Variants in RIF1 observed in about 807,000 individuals in gnomAD.
The protein encoded by RIF1 is replication timing regulatory factor 1, also known as telomere-associated protein RIF1.
Under a neutral mutation model 247.1 loss-of-function variants are expected in RIF1, and 45 were observed. That is an observed-to-expected ratio of 0.18 (90% CI 0.14 to 0.23). The LOEUF is 0.23. Among genes scored for constraint, RIF1 ranks in the 10% least tolerant of loss-of-function variants. RIF1 has a pLI of 1.00. For missense variants in RIF1, 2,967 were observed against 2,862.5 expected, an observed-to-expected ratio of 1.04 and a Z score of -0.83; for synonymous variants, 1,087 against 978.8, an observed-to-expected ratio of 1.11 and a Z score of -2.06.
At chr2:151,443,849 T>C (rs562886894) in intron 18 of RIF1, 140 bp downstream of exon 18, 7 of 509,694 alleles carry the variant, frequency 1.4e-5, no homozygotes, top group East Asian at 3.4e-5. Flanking sequence ...CGTTGTACTT[T>C]TGATTGATTT....
At chr2:151,504,624 C>A (rs552504401) in intron 12 of RIF1, among the ~76,000 whole-genome samples, 47 of 152,262 alleles carry the variant, frequency 3.1e-4, no homozygotes, top group African/African-American at 1.1e-3. Flanking sequence ...CTCCATTGAC[C>A]AGGGGAATCC....
At position 151,482,010 on chromosome 2, in the gene RIF1, C is replaced by T. The variant is rs1165203912; in HGVS notation, c.*6939C>T. The T allele has an allele frequency of 8.0e-5, 9 of 111,984 alleles. No individual in the cohort carries two copies. The highest frequency in any genetic ancestry group is 2.8e-4 in the African/African-American group (9 of 31,876). 6.9% of individuals were successfully genotyped at this position (111,984 alleles called of 1,614,324 possible). ...ACACTTACAGTTACTATTTCTGGTT[C>T]TTTATGACTGTTGAGGGGGGGCAGA... On this transcript the variant is annotated 3_prime_UTR_variant, in exon 36 of 36. Transcript: ENST00000444746.
the RIF1 span, chr2:151,526,092 A>G: frequency 2.4e-5 from 39 of 1,611,960 alleles, 1 homozygote; most frequent in Admixed American, 5.0e-4. Flanking sequence ...TAGAGAGCTC[A>G]TTAAGGCATC....
chr2:151,468,585 A>G, intron 32 of RIF1, 34 bp downstream of exon 32: 1 of 1,604,426 alleles, frequency 6.2e-7, no homozygotes, highest in Non-Finnish European at 8.5e-7. Context: ...GTCACTTTAT[A>G]TTTTCATGTT....
chr2:151,460,026 G>A lies in RIF1; in HGVS notation c.2982G>A (p.Lys994=). The A allele has an allele frequency of 6.4e-7, 1 of 1,554,880 alleles. No individual in the cohort carries two copies. The highest frequency in any genetic ancestry group is 8.8e-7 in the Non-Finnish European group (1 of 1,142,520). ...DGTENSQLNV[K]ISGMERKSNG... Reference sequence around the variant, plus strand: ...CAGAAAATTCACAACTAAATGTGAAGATAAGTGGCATGGAGAGAAAATCAA... The same window carrying A: ...CAGAAAATTCACAACTAAATGTGAAAATAAGTGGCATGGAGAGAAAATCAA... The change falls in exon 26 of 36, where the codon AAG becomes AAA. Residue 994 remains lysine (K), a synonymous_variant. Transcript: ENST00000444746.
chr2:151,460,232 G>C, intron 26 of RIF1, 113 bp downstream of exon 26: 1 of 857,154 alleles, frequency 1.2e-6, no homozygotes, highest in Non-Finnish European at 1.7e-6. Context: ...GGTTGGGATT[G>C]CAGGGGAATT....
the RIF1 span, chr2:151,526,885 G>T: frequency 7.0e-7 from 1 of 1,419,156 alleles, no homozygotes; most frequent in South Asian, 1.2e-5. Flanking sequence ...CCCTGAGTGA[G>T]GTTAGGCATC....
chr2:151,465,534 T>C lies in RIF1; in HGVS notation c.6014T>C (p.Val2005Ala), dbSNP rs1407612022. The C allele has an allele frequency of 3.7e-6, 6 of 1,603,464 alleles. No homozygotes were observed. In the East Asian group the frequency reaches 1.4e-4, roughly 36 times the overall value. Reference sequence around the variant, plus strand: ...GGGGAACTAGATGGAGGAAATGATGTATCTGATCTACACTCATCTGAAGAA... The same window carrying C: ...GGGGAACTAGATGGAGGAAATGATGCATCTGATCTACACTCATCTGAAGAA... ...AAGELDGGND[V>A]SDLHSSEETN... Residue 2005 changes from valine (V) to alanine (A), a missense_variant, in exon 30 of 36, where the codon GTA becomes GCA. By Grantham distance (64) the Val-to-Ala change is moderately conservative (BLOSUM62 0). Coordinates refer to ENST00000444746, the MANE Select transcript of RIF1 (RefSeq NM_018151.5).
chr2:151,508,993 A>T (rs754614002), downstream of RIF1, among the ~76,000 whole-genome samples: 1 of 152,194 alleles, frequency 6.6e-6, no homozygotes, highest in Non-Finnish European at 1.5e-5. Flanking sequence ...ACTTAGCTCC[A>T]GTTTTTCCCA....
At chr2:151,444,191 T>C (rs1185462051) in intron 18 of RIF1, among the ~76,000 whole-genome samples, 1 of 152,272 alleles carries the variant, frequency 6.6e-6, no homozygotes, top group African/African-American at 2.4e-5. Flanking sequence ...AGTGGCAGGC[T>C]GTGGGGCACA....
intron 7 of RIF1, 31 bp downstream of exon 7, chr2:151,420,410 G>T (rs1283498105): frequency 6.2e-7 from 1 of 1,603,128 alleles, no homozygotes; most frequent in Non-Finnish European, 8.5e-7. Flanking sequence ...GAATTTTCTG[G>T]ATACTGCATC....
intron 9 of RIF1, chr2:151,492,991 A>ATAAAG (rs1408623032): frequency 4.4e-6 from 1 of 228,810 alleles, no homozygotes; most frequent in African/African-American, 2.3e-5. Context: ...TACCCATGTC[A>ATAAAG]TAAAGTATCT....
At chr2:151,447,023 A>C (rs1190486539) in intron 20 of RIF1, among the ~76,000 whole-genome samples, 1 of 148,274 alleles carries the variant, frequency 6.7e-6, no homozygotes, top group Non-Finnish European at 1.5e-5. Context: ...GGCTCACTGC[A>C]AGCTCCGCCT....
chr2:151,514,538 G>T, the RIF1 span: 1 of 883,478 alleles, frequency 1.1e-6, no homozygotes, highest in Non-Finnish European at 1.9e-6. Context: ...TCACAGTTTA[G>T]TAAGTAAAAA....
At chr2:151,534,296 CT>C in the RIF1 span, 2 of 1,613,526 alleles carry the variant, frequency 1.2e-6, no homozygotes, top group Non-Finnish European at 1.7e-6. Context: ...CTTTCCGCTG[CT>C]CATAATCAGC....
chr2:151,433,663 C>T (rs1690595063), intron 10 of RIF1, among the ~76,000 whole-genome samples: 1 of 151,622 alleles, frequency 6.6e-6, no homozygotes, highest in Non-Finnish European at 1.5e-5. Flanking sequence ...CCATGGTGGC[C>T]AGGCTGGTCT....
At chr2:151,525,968 T>C in the RIF1 span, 1 of 1,613,676 alleles carries the variant, frequency 6.2e-7, no homozygotes, top group Non-Finnish European at 8.5e-7. Context: ...ATCACTGACA[T>C]GCTTGGTCAC....
rs1265163979 is a variant in RIF1 at position 151,492,444 on chromosome 2, A to G, written c.*416-2785A>G. The stretch of plus-strand genomic sequence containing the variant: ...GTCTCATCTCGGGGGTATCCAATAC[A>G]TAGGCAGCTTTGCCTTGTATTTGTT... On this transcript the variant is annotated intron_variant and NMD_transcript_variant, in intron 9 of 13. Transcript: ENST00000454583. The G allele has an allele frequency of 6.2e-7, 1 of 1,613,402 alleles. No individual in the cohort carries two copies. The highest frequency in any genetic ancestry group is 8.5e-7 in the Non-Finnish European group (1 of 1,179,686).
intron 7 of RIF1, 90 bp downstream of exon 7, chr2:151,420,469 T>A: frequency 7.8e-7 from 1 of 1,282,292 alleles, no homozygotes; most frequent in African/African-American, 1.5e-5. Flanking sequence ...CCAGGTACGG[T>A]GGCTCTCACC....
Sources: gnomAD v4.1 joint callset for allele counts (sites outside exome capture counted in the v4.1 genomes callset) on GRCh38, gnomAD v4.1.1 for gene constraint, MANE v1.5 for transcripts, NCBI Gene and HGNC (gene_info 2026-07-23, HGNC 2026-07-21) for gene names.